Variants in GLIS3 observed in about 807,000 individuals in gnomAD.
The protein encoded by GLIS3 is zinc finger protein GLIS3.
GLIS3 carries 53 observed loss-of-function variants against 78.6 expected under a neutral mutation model. The observed-to-expected ratio is 0.67, with a 90% CI of 0.54 to 0.85. GLIS3 has a LOEUF of 0.85. Among genes scored for constraint, GLIS3 ranks in the 40% least tolerant of loss-of-function variants. The pLI, the probability that GLIS3 is intolerant of heterozygous loss-of-function variation, is 0.00. For synonymous variants in GLIS3, 684 were observed against 509.9 expected, an observed-to-expected ratio of 1.34 and a Z score of -4.60; for missense variants, 1,703 against 1,231.1, an observed-to-expected ratio of 1.38 and a Z score of -5.74.
At chr9:3,862,465 G>C (rs139612731) in intron 8 of GLIS3, among the ~76,000 whole-genome samples, 13 of 152,136 alleles carry the variant, frequency 8.5e-5, no homozygotes, top group Non-Finnish European at 4.4e-5. Context: ...AACTTCTTTC[G>C]GGTAGGGCTC....
At chr9:4,378,400 T>G in the GLIS3 span, among the ~76,000 whole-genome samples, 4 of 152,130 alleles carry the variant, frequency 2.6e-5, no homozygotes, top group Non-Finnish European at 5.9e-5. Flanking sequence ...CTCCAAAATA[T>G]TTAAAACATG....
chr9:4,476,415 G>A, the GLIS3 span, among the ~76,000 whole-genome samples: 2 of 152,216 alleles, frequency 1.3e-5, no homozygotes, highest in East Asian at 1.9e-4. Flanking sequence ...AGGCTGGAGT[G>A]CAATGGCAGG....
chr9:4,312,976 T>A (rs1044733600), intron 2 of GLIS3, among the ~76,000 whole-genome samples: 2 of 152,172 alleles, frequency 1.3e-5, no homozygotes, highest in African/African-American at 4.8e-5. Context: ...TTAAATCACC[T>A]CCCCAGGATA....
At chr9:4,264,313 C>A (rs1185995490) in intron 2 of GLIS3, among the ~76,000 whole-genome samples, 1 of 152,204 alleles carries the variant, frequency 6.6e-6, no homozygotes, top group Non-Finnish European at 1.5e-5. Context: ...ACCACCACCA[C>A]CATGATGCTA....
chr9:4,270,770 G>A (rs12336470), intron 2 of GLIS3, among the ~76,000 whole-genome samples: 8 of 152,186 alleles, frequency 5.3e-5, no homozygotes, highest in East Asian at 3.8e-4. Context: ...AGGCTGGAAC[G>A]ATACCAATGG....
chr9:4,140,722 C>G (rs1833746302), intron 2 of GLIS3, among the ~76,000 whole-genome samples: 2 of 151,780 alleles, frequency 1.3e-5, no homozygotes, highest in African/African-American at 4.8e-5. Flanking sequence ...ATTCAGCGAG[C>G]TATTATTTGT....
At chr9:4,253,029 C>T (rs1824545190) in intron 2 of GLIS3, among the ~76,000 whole-genome samples, 1 of 152,322 alleles carries the variant, frequency 6.6e-6, no homozygotes. Context: ...CTGAAGCTCT[C>T]CTGTATGAAG....
At chr9:4,278,361 G>A (rs1038948359) in intron 2 of GLIS3, among the ~76,000 whole-genome samples, 12 of 152,118 alleles carry the variant, frequency 7.9e-5, no homozygotes, top group Non-Finnish European at 1.2e-4. Flanking sequence ...CCAGGTATGG[G>A]GCACGCAAAT....
chr9:3,969,971 T>A (rs1329851780), intron 4 of GLIS3, among the ~76,000 whole-genome samples: 1 of 152,230 alleles, frequency 6.6e-6, no homozygotes, highest in Non-Finnish European at 1.5e-5. Flanking sequence ...ATGCTACCTA[T>A]GATAAAATAT....
At chr9:4,156,898 A>C (rs1176550275) in intron 2 of GLIS3, among the ~76,000 whole-genome samples, 1 of 152,186 alleles carries the variant, frequency 6.6e-6, no homozygotes, top group African/African-American at 2.4e-5. Context: ...CAGCATCAGC[A>C]TCATCCTGGA....
chr9:4,009,365 CAG>C (rs1821814758), intron 4 of GLIS3, among the ~76,000 whole-genome samples: 1 of 152,160 alleles, frequency 6.6e-6, no homozygotes, highest in African/African-American at 2.4e-5. Flanking sequence ...TCATTTCCAA[CAG>C]AGACACCACC....
rs1435682041 is a variant in GLIS3, at chr9:4,286,176, A to C, written c.250T>G (p.Leu84Val). Residue 84 changes from leucine (L) to valine (V), a missense_variant, in exon 2 of 11, where the codon TTA (leucine) becomes GTA (valine). Physicochemically the swap from Leu to Val is conservative, Grantham distance 32. Coordinates refer to ENST00000381971, the MANE Select transcript of GLIS3 (RefSeq NM_001042413.2). ...VAESRIHLPA[L>V]SPRRQMLTNG... ...GTGAGCATTTGTCTCCTGGGGCTTA[A>C]GGCAGGCAGATGGATGCGGCTCTCA... 6.2e-7 allele frequency: 1 copy of C among 1,614,208 alleles called. No individual in the cohort carries two copies. Among genetic ancestry groups the C allele is most frequent in the Admixed American group, 1.7e-5 (1 of 60,024 alleles).
chr9:4,429,368 T>C, the GLIS3 span, among the ~76,000 whole-genome samples: 22,451 of 151,918 alleles, frequency 0.15, 1,750 homozygotes, highest in South Asian at 0.24. Flanking sequence ...GGATTTCTTC[T>C]AGTGCCTTGT....
chr9:4,341,746 C>A (rs553728353), intron 2 of GLIS3, among the ~76,000 whole-genome samples: 4 of 152,220 alleles, frequency 2.6e-5, no homozygotes, highest in African/African-American at 9.6e-5. Context: ...GCAATCAGTT[C>A]TAAGGAAAAT....
intron 4 of GLIS3, among the ~76,000 whole-genome samples, chr9:3,987,760 G>GC (rs1819865727): frequency 3.4e-5 from 1 of 29,138 alleles, no homozygotes; most frequent in East Asian, 1.3e-3. Flanking sequence ...CCTGGATTTG[G>GC]CAAAAAAAAA....
At chr9:4,265,816 A>T (rs1825945709) in intron 2 of GLIS3, among the ~76,000 whole-genome samples, 1 of 152,206 alleles carries the variant, frequency 6.6e-6, no homozygotes, top group African/African-American at 2.4e-5. Flanking sequence ...GATAAATTTA[A>T]ACAAGAACTA....
chr9:3,951,437 A>T (rs1816670367), intron 4 of GLIS3, among the ~76,000 whole-genome samples: 1 of 152,054 alleles, frequency 6.6e-6, no homozygotes, highest in Non-Finnish European at 1.5e-5. Context: ...TACAGCCAAG[A>T]ACAAAATGAA....
At position 3,862,099 on chromosome 9, in the gene GLIS3, T is replaced by C. The variant is rs182753007; in HGVS notation, c.2298-5915A>G. On this transcript the variant is annotated intron_variant, in intron 8 of 10. Transcript: ENST00000381971. ...CTGAGTCCACAAATTCATACAATTATAGAATGTTTTAGTTGGAAAGGGCAC... is the reference window on the plus strand; with the variant it reads ...CTGAGTCCACAAATTCATACAATTACAGAATGTTTTAGTTGGAAAGGGCAC... Among the ~76,000 whole-genome samples, 332 of 152,268 alleles carry C rather than the reference T, an allele frequency of 2.2e-3. 1 individual carries two copies. Among genetic ancestry groups the C allele is most frequent in the Non-Finnish European group, 3.7e-3 (255 of 68,026 alleles).
chr9:3,864,183 C>G (rs768689323), intron 8 of GLIS3, among the ~76,000 whole-genome samples: 1 of 152,170 alleles, frequency 6.6e-6, no homozygotes, highest in Non-Finnish European at 1.5e-5. Flanking sequence ...TCTTGGGTTT[C>G]TCTGAGTGGG....
Sources: gnomAD v4.1 joint callset for allele counts (sites outside exome capture counted in the v4.1 genomes callset) on GRCh38, gnomAD v4.1.1 for gene constraint, MANE v1.5 for transcripts, NCBI Gene and HGNC (gene_info 2026-07-23, HGNC 2026-07-21) for gene names.